Variants in LRRC3B observed in about 807,000 individuals in gnomAD.
The protein encoded by LRRC3B is leucine-rich repeat-containing protein 3B.
Under a neutral mutation model 12.8 loss-of-function variants are expected in LRRC3B, and 2 were observed. That is an observed-to-expected ratio of 0.16 (90% CI 0.06 to 0.49). The LOEUF (loss-of-function observed/expected upper bound fraction) is 0.49. Among genes scored for constraint, LRRC3B ranks in the 20% least tolerant of loss-of-function variants. The probability of loss-of-function intolerance (pLI) is 0.96; values close to 1 mark genes in which losing one functional copy is unlikely to be tolerated. For synonymous variants in LRRC3B, 132 were observed against 122.0 expected (o/e 1.08, Z -0.54); for missense variants, 189 against 319.4 (o/e 0.59, Z 3.11).
At chr3:26,641,677 A>G (rs1699034434) in intron 1 of LRRC3B, among the ~76,000 whole-genome samples, 1 of 152,178 alleles carries the variant, frequency 6.6e-6, no homozygotes, top group African/African-American at 2.4e-5. Context: ...TAAAGCAGCA[A>G]TGATGACCTT....
intron 1 of LRRC3B, among the ~76,000 whole-genome samples, chr3:26,645,691 G>T (rs536676885): frequency 3.9e-5 from 6 of 151,922 alleles, no homozygotes; most frequent in Non-Finnish European, 5.9e-5. Context: ...ATTACTTTCT[G>T]GAGTGTGAGG....
intron 1 of LRRC3B, among the ~76,000 whole-genome samples, chr3:26,682,630 T>A (rs1410154251): frequency 2.0e-5 from 3 of 152,130 alleles, no homozygotes; most frequent in African/African-American, 7.2e-5. Context: ...AGAAAGACAA[T>A]CCCCAGCCTG....
At chr3:26,661,749 A>G (rs1335084719) in intron 1 of LRRC3B, among the ~76,000 whole-genome samples, 1 of 152,186 alleles carries the variant, frequency 6.6e-6, no homozygotes, top group Non-Finnish European at 1.5e-5. Flanking sequence ...TCTCTTGAAT[A>G]TGACAAATTT....
intron 1 of LRRC3B, among the ~76,000 whole-genome samples, chr3:26,688,403 G>A (rs1034520562): frequency 6.6e-6 from 1 of 152,144 alleles, no homozygotes; most frequent in African/African-American, 2.4e-5. Flanking sequence ...ATCTGTATTA[G>A]CCTATTCCTA....
At chr3:26,693,887 C>T (rs1053074590) in intron 1 of LRRC3B, among the ~76,000 whole-genome samples, 4 of 152,148 alleles carry the variant, frequency 2.6e-5, no homozygotes, top group African/African-American at 9.7e-5. Flanking sequence ...AAAATTGAAA[C>T]ACAATAGTCC....
intron 1 of LRRC3B, among the ~76,000 whole-genome samples, chr3:26,633,146 C>T (rs1586699): frequency 0.25 from 37,970 of 151,956 alleles, 4,986 homozygotes; most frequent in African/African-American, 0.33. Flanking sequence ...TATCTGTCCT[C>T]CCCTCTCTTC....
chr3:26,658,215 G>T (rs1300045312), intron 1 of LRRC3B, among the ~76,000 whole-genome samples: 1 of 151,928 alleles, frequency 6.6e-6, no homozygotes, highest in Non-Finnish European at 1.5e-5. Context: ...TAGCCACCAC[G>T]CCCAGCTAAT....
intron 1 of LRRC3B, among the ~76,000 whole-genome samples, chr3:26,651,629 TGTA>T (rs1438785277): frequency 1.3e-5 from 2 of 152,024 alleles, no homozygotes; most frequent in African/African-American, 2.4e-5. Context: ...ATGAATGAAG[TGTA>T]GTAACATATT....
At chr3:26,629,247 C>CCTTCCTTT (rs952561452) in intron 1 of LRRC3B, among the ~76,000 whole-genome samples, 2 of 144,864 alleles carry the variant, frequency 1.4e-5, no homozygotes, top group Admixed American at 1.4e-4. Flanking sequence ...TTCCTCCCTT[C>CCTTCCTTT]CTTCCTTTCT....
At chr3:26,641,171 G>C (rs546461417) in intron 1 of LRRC3B, among the ~76,000 whole-genome samples, 2 of 152,100 alleles carry the variant, frequency 1.3e-5, no homozygotes, top group Non-Finnish European at 2.9e-5. Flanking sequence ...AGAAGAAATC[G>C]GGACTGGTGT....
intron 1 of LRRC3B, among the ~76,000 whole-genome samples, chr3:26,686,076 A>C (rs1047486830): frequency 1.3e-5 from 2 of 151,194 alleles, no homozygotes; most frequent in African/African-American, 4.9e-5. Context: ...ATGGTTATTT[A>C]TTTTCCTTTC....
intron 1 of LRRC3B, among the ~76,000 whole-genome samples, chr3:26,708,420 G>C (rs1259862266): frequency 6.6e-6 from 1 of 152,164 alleles, no homozygotes; most frequent in Non-Finnish European, 1.5e-5. Context: ...AGAGTGTGTG[G>C]ATAGTGGAAA....
rs1699564663 is a variant in LRRC3B at position 26,664,754 on chromosome 3, C to T, written c.-161+41517C>T. On this transcript the variant is annotated intron_variant, in intron 1 of 1. Coordinates refer to ENST00000396641, the Ensembl canonical transcript of LRRC3B. ...GTTTAGGTCTCGCCTCCGATTTGTT[C>T]CCACAAGGGGTGAGGCAGCTCTCGC... Among the ~76,000 whole-genome samples the T allele has an allele frequency of 2.0e-5, 3 of 152,006 alleles. No homozygotes were observed. The South Asian group carries it at 6.2e-4, about 32-fold the overall frequency.
chr3:26,700,531 G>A (rs1700427808), intron 1 of LRRC3B, among the ~76,000 whole-genome samples: 1 of 152,150 alleles, frequency 6.6e-6, no homozygotes, highest in African/African-American at 2.4e-5. Flanking sequence ...GTAATTGACA[G>A]TGCTGTTTAG....
intron 1 of LRRC3B, among the ~76,000 whole-genome samples, chr3:26,691,103 GTGTATA>G (rs1374987697): frequency 4.4e-5 from 2 of 44,954 alleles, no homozygotes; most frequent in Non-Finnish European, 8.4e-5. Context: ...GTGTGTGTGT[GTGTATA>G]TATATATATA....
chr3:26,652,585 A>G (rs577147962), intron 1 of LRRC3B, among the ~76,000 whole-genome samples: 160 of 152,352 alleles, frequency 1.1e-3, no homozygotes, highest in Non-Finnish European at 8.7e-4. Flanking sequence ...AGTCAACGGT[A>G]CATAAAGACA....
chr3:26,708,715 A>G (rs900591384), intron 1 of LRRC3B, among the ~76,000 whole-genome samples: 3 of 152,254 alleles, frequency 2.0e-5, no homozygotes, highest in Non-Finnish European at 4.4e-5. Flanking sequence ...TGTATGCAAC[A>G]TGCAACATAT....
chr3:26,663,557 G>A (rs1244339289), intron 1 of LRRC3B, among the ~76,000 whole-genome samples: 1 of 152,114 alleles, frequency 6.6e-6, no homozygotes, highest in East Asian at 1.9e-4. Context: ...ATCAGTACTA[G>A]TCAGAGGTGC....
chr3:26,635,771 T>A (rs913889528), intron 1 of LRRC3B, among the ~76,000 whole-genome samples: 2 of 152,242 alleles, frequency 1.3e-5, no homozygotes, highest in African/African-American at 2.4e-5. Context: ...CGCTTTTGCA[T>A]CTGTGTATAC....
Sources: allele counts gnomAD v4.1 joint callset (sites outside exome capture counted in the v4.1 genomes callset), GRCh38; gene constraint gnomAD v4.1.1; transcripts MANE v1.5; gene names NCBI Gene and HGNC (gene_info 2026-07-23, HGNC 2026-07-21).